Variants in POU6F2 observed in about 807,000 individuals in gnomAD.
POU6F2 encodes POU class 6 homeobox 2.
Under a neutral mutation model 71.3 loss-of-function variants are expected in POU6F2, and 31 were observed. The ratio of observed to expected loss-of-function variants is 0.43; its 90% confidence interval spans 0.33 to 0.59. POU6F2 has a LOEUF of 0.59. Ranked by LOEUF, POU6F2 falls within the 20% of genes least tolerant of loss-of-function variation. POU6F2 has a pLI of 0.04. For missense variants in POU6F2, 783 were observed against 856.8 expected, an observed-to-expected ratio of 0.91 and a Z score of 1.07; for synonymous variants, 347 against 355.7, an observed-to-expected ratio of 0.98 and a Z score of 0.27.
intron 4 of POU6F2, among the ~76,000 whole-genome samples, chr7:39,212,949 A>G (rs543897424): frequency 1.6e-4 from 25 of 152,328 alleles, no homozygotes; most frequent in African/African-American, 5.5e-4. Context: ...TGTGAGTGAC[A>G]ACAGGCAGCA....
chr7:39,129,196 TAGG>T (rs1254686408), intron 2 of POU6F2, among the ~76,000 whole-genome samples: 2 of 152,202 alleles, frequency 1.3e-5, no homozygotes, highest in African/African-American at 4.8e-5. Context: ...TCTGCTTTCT[TAGG>T]AGAATGGCTT....
At chr7:39,384,090 T>C (rs1786885899) in intron 5 of POU6F2, among the ~76,000 whole-genome samples, 1 of 152,182 alleles carries the variant, frequency 6.6e-6, no homozygotes, top group African/African-American at 2.4e-5. Context: ...CTGAAGCTGA[T>C]TCAATAATCC....
intron 4 of POU6F2, among the ~76,000 whole-genome samples, chr7:39,270,443 G>A (rs145641476): frequency 6.6e-6 from 1 of 152,330 alleles, no homozygotes; most frequent in East Asian, 1.9e-4. Flanking sequence ...TGATGTCAGA[G>A]ATCATGCTTT....
intron 6 of POU6F2, among the ~76,000 whole-genome samples, chr7:39,419,353 C>A (rs1787798439): frequency 6.6e-6 from 1 of 151,714 alleles, no homozygotes; most frequent in African/African-American, 2.4e-5. Flanking sequence ...ATTCTCCTGC[C>A]TCAGTCTCCT....
chr7:39,230,932 G>T (rs548428499), intron 4 of POU6F2, among the ~76,000 whole-genome samples: 3 of 152,158 alleles, frequency 2.0e-5, no homozygotes, highest in Non-Finnish European at 4.4e-5. Flanking sequence ...TCAACTGGGG[G>T]TGAGTCTTCC....
intron 2 of POU6F2, among the ~76,000 whole-genome samples, chr7:39,190,707 G>T (rs548100083): frequency 6.3e-5 from 9 of 142,192 alleles, no homozygotes; most frequent in African/African-American, 2.4e-4. Flanking sequence ...GCATGATCTC[G>T]GCTCACTGCA....
chr7:39,286,830 C>T lies in POU6F2; in HGVS notation c.599-52812C>T, dbSNP rs117413427. ...CAGACTGGAGTACAGTGGTATGATC[C>T]TGGCTCACTGCAGCCTCAAACTCCT... On this transcript the variant is annotated intron_variant, in intron 4 of 9. Transcript: ENST00000518318. Among the ~76,000 whole-genome samples the T allele has an allele frequency of 7.5e-3, 1,139 of 152,210 alleles. 12 individuals carry two copies. Among genetic ancestry groups the T allele is most frequent in the East Asian group, 0.053 (274 of 5,170 alleles).
At chr7:39,134,474 A>G (rs1424328870) in intron 2 of POU6F2, among the ~76,000 whole-genome samples, 1 of 152,236 alleles carries the variant, frequency 6.6e-6, no homozygotes, top group Non-Finnish European at 1.5e-5. Flanking sequence ...ATGAGAGATC[A>G]TGCCAGTGAC....
chr7:39,066,905 AATATC>A (rs1236343696), intron 1 of POU6F2, among the ~76,000 whole-genome samples: 2 of 147,968 alleles, frequency 1.4e-5, no homozygotes, highest in African/African-American at 2.4e-5. Context: ...TATAATATAT[AATATC>A]ATATTATTAT....
intron 6 of POU6F2, among the ~76,000 whole-genome samples, chr7:39,423,427 C>A (rs1787898556): frequency 6.6e-6 from 1 of 152,120 alleles, no homozygotes; most frequent in African/African-American, 2.4e-5. Context: ...ATGTGGTATG[C>A]CCTGCCCCCA....
chr7:39,400,602 A>G (rs1275333964), intron 5 of POU6F2, among the ~76,000 whole-genome samples: 15 of 152,192 alleles, frequency 9.9e-5, no homozygotes. Flanking sequence ...GACAACGCTG[A>G]GACCCTACAA....
In POU6F2 at chr7:39,015,922, TAGA is replaced by T. The variant is rs1327984564; in HGVS notation, c.105+37865_105+37867del. On this transcript the variant is annotated intron_variant, in intron 1 of 9. Coordinates refer to ENST00000518318, the MANE Select transcript of POU6F2 (RefSeq NM_001370959.1). ...ATAGATATATATTATATATTATATA[TAGA>T]TATATATAATATATAGATATATATT... 1.6e-3 allele frequency among the ~76,000 whole-genome samples: 61 copies of T among 38,452 alleles called. 1 individual carries two copies. The highest frequency in any genetic ancestry group is 2.5e-3 in the Non-Finnish European group (51 of 20,310). 25.2% of individuals were successfully genotyped at this position (38,452 alleles called of 152,430 possible).
At chr7:39,005,510 G>GTA in intron 1 of POU6F2, among the ~76,000 whole-genome samples, 1 of 151,892 alleles carries the variant, frequency 6.6e-6, no homozygotes, top group Admixed American at 6.6e-5. Flanking sequence ...GTGTGTGTGT[G>GTA]TGTGTTTATG....
At chr7:39,256,420 G>A (rs1335730974) in intron 4 of POU6F2, among the ~76,000 whole-genome samples, 5 of 152,096 alleles carry the variant, frequency 3.3e-5, no homozygotes, top group Non-Finnish European at 7.4e-5. Context: ...GGGGGAAAGA[G>A]GTGAGCTGGG....
intron 2 of POU6F2, among the ~76,000 whole-genome samples, chr7:39,197,726 C>T (rs930394432): frequency 1.5e-4 from 23 of 152,196 alleles, no homozygotes; most frequent in Non-Finnish European, 2.9e-4. Context: ...AAAAATCAGA[C>T]AAACTATTTT....
At chr7:39,043,380 A>G (rs963065230) in intron 1 of POU6F2, among the ~76,000 whole-genome samples, 6 of 151,956 alleles carry the variant, frequency 3.9e-5, no homozygotes, top group African/African-American at 1.2e-4. Flanking sequence ...TTCTCTGTCT[A>G]TAAATATGTC....
At chr7:39,309,169 C>T (rs912907684) in intron 4 of POU6F2, among the ~76,000 whole-genome samples, 11 of 152,124 alleles carry the variant, frequency 7.2e-5, no homozygotes, top group African/African-American at 1.9e-4. Context: ...ATAGCGAGAA[C>T]GAAAAGAGAC....
rs114651167 is a variant in POU6F2, at chr7:39,233,751, C to T, written c.598+26131C>T. Among the ~76,000 whole-genome samples, 634 of 152,292 alleles carry T rather than the reference C, an allele frequency of 4.2e-3. 5 individuals are homozygous for T. The highest frequency in any genetic ancestry group is 0.015 in the African/African-American group (614 of 41,552). On this transcript the variant is annotated intron_variant, in intron 4 of 9. Coordinates refer to ENST00000518318, the MANE Select transcript of POU6F2 (RefSeq NM_001370959.1). ...CACCCCCCAACACACAATATGTACA[C>T]ATTACCGAACTTCCTGGTAACTCAT... is the stretch of plus-strand genomic sequence containing the variant.
intron 2 of POU6F2, among the ~76,000 whole-genome samples, chr7:39,101,171 TCAAG>T (rs1372758194): frequency 6.6e-6 from 1 of 151,744 alleles, no homozygotes; most frequent in East Asian, 1.9e-4. Context: ...ACTCCTGGGT[TCAAG>T]CAATTCTCCT....
Sources: gnomAD v4.1 joint callset for allele counts (sites outside exome capture counted in the v4.1 genomes callset) on GRCh38, gnomAD v4.1.1 for gene constraint, MANE v1.5 for transcripts, NCBI Gene and HGNC (gene_info 2026-07-23, HGNC 2026-07-21) for gene names.